KCNG3: variants seen among roughly 807,000 people sequenced by gnomAD.
The protein encoded by KCNG3 is potassium voltage-gated channel modifier subfamily G member 3.
In KCNG3, 15 loss-of-function variants were observed where a neutral mutation model predicts 29.0. The observed-to-expected ratio is 0.52, with a 90% CI of 0.35 to 0.80. The LOEUF is 0.80. Among genes scored for constraint, KCNG3 ranks in the 30% least tolerant of loss-of-function variants. The pLI is 0.01. For missense variants in KCNG3, 512 were observed against 605.7 expected, an observed-to-expected ratio of 0.85 and a Z score of 1.62; for synonymous variants, 322 against 248.9, an observed-to-expected ratio of 1.29 and a Z score of -2.76.
At chr2:42,418,919 T>C in the KCNG3 span, among the ~76,000 whole-genome samples, 4 of 152,198 alleles carry the variant, frequency 2.6e-5, no homozygotes, top group Non-Finnish European at 5.9e-5. Context: ...TAGTCTTCTG[T>C]ATCAGATTTT....
chr2:42,489,187 G>T lies in KCNG3; in HGVS notation c.665+3650C>A, dbSNP rs59445157. 3.3e-5 allele frequency among the ~76,000 whole-genome samples: 5 copies of T among 151,658 alleles called. No homozygotes were observed. The East Asian group carries it at 8.0e-4, about 24-fold the overall frequency. ...CTCCCAAAGTGCTGGGATTACAGGCGTGAGCCACCACGCCTGGCCTGTGAG... is the reference window on the plus strand; with the variant it reads ...CTCCCAAAGTGCTGGGATTACAGGCTTGAGCCACCACGCCTGGCCTGTGAG... On this transcript the variant is annotated intron_variant, in intron 1 of 1. Transcript: ENST00000306078.
chr2:42,477,303 A>G (rs1204031588), intron 1 of KCNG3, among the ~76,000 whole-genome samples: 1 of 151,286 alleles, frequency 6.6e-6, no homozygotes, highest in African/African-American at 2.4e-5. Context: ...GCAGAAAGGG[A>G]CGATACATTA....
the KCNG3 span, among the ~76,000 whole-genome samples, chr2:42,418,871 T>C: frequency 6.6e-6 from 1 of 152,218 alleles, no homozygotes; most frequent in African/African-American, 2.4e-5. Context: ...ATGAGAATCT[T>C]GCACATAATA....
At chr2:42,406,550 G>C in the KCNG3 span, among the ~76,000 whole-genome samples, 2 of 150,790 alleles carry the variant, frequency 1.3e-5, no homozygotes, top group African/African-American at 2.4e-5. Context: ...AGGCAGGCTG[G>C]GCACAGTGGC....
chr2:42,435,862 C>T, the KCNG3 span, among the ~76,000 whole-genome samples: 5 of 152,194 alleles, frequency 3.3e-5, no homozygotes, highest in Non-Finnish European at 7.3e-5. Flanking sequence ...ACATTAGCAT[C>T]TAACCTGGCA....
At chr2:42,492,181 T>C (rs4952815) in intron 1 of KCNG3, among the ~76,000 whole-genome samples, 102,776 of 152,054 alleles carry the variant, frequency 0.68, 35,188 homozygotes, top group Middle Eastern at 0.82. Flanking sequence ...CCTTCCCATA[T>C]CATAGACCCT....
chr2:42,428,423 T>C, the KCNG3 span, among the ~76,000 whole-genome samples: 51 of 132,726 alleles, frequency 3.8e-4, no homozygotes, highest in African/African-American at 1.3e-3. Context: ...ATTGTGCCAC[T>C]GCACTCCAGT....
intron 1 of KCNG3, among the ~76,000 whole-genome samples, chr2:42,480,811 T>C (rs1005454508): frequency 1.8e-4 from 26 of 145,986 alleles, no homozygotes; most frequent in Non-Finnish European, 3.4e-4. Context: ...TGAGATGGAG[T>C]CTTGCTCTGT....
At chr2:42,481,983 T>C (rs77118112) in intron 1 of KCNG3, among the ~76,000 whole-genome samples, 228 of 152,316 alleles carry the variant, frequency 1.5e-3, no homozygotes, top group African/African-American at 5.2e-3. Flanking sequence ...CCATGAAAGA[T>C]AACTTACATT....
chr2:42,398,777 C>G, the KCNG3 span, among the ~76,000 whole-genome samples: 2 of 152,256 alleles, frequency 1.3e-5, no homozygotes, highest in Admixed American at 1.3e-4. Context: ...GAGGACAGAC[C>G]TTCACAAATC....
chr2:42,456,250 A>T (rs1338476714), intron 1 of KCNG3, among the ~76,000 whole-genome samples: 1 of 152,178 alleles, frequency 6.6e-6, no homozygotes, highest in African/African-American at 2.4e-5. Flanking sequence ...GGCTAGGTGC[A>T]GTGGCTCACA....
At chr2:42,445,621 T>G (rs1672578729) in intron 1 of KCNG3, among the ~76,000 whole-genome samples, 1 of 152,234 alleles carries the variant, frequency 6.6e-6, no homozygotes, top group Non-Finnish European at 1.5e-5. Flanking sequence ...CAGCACATAT[T>G]TTTAAAAGAC....
At chr2:42,425,946 A>G in the KCNG3 span, among the ~76,000 whole-genome samples, 1 of 152,254 alleles carries the variant, frequency 6.6e-6, no homozygotes, top group Non-Finnish European at 1.5e-5. Context: ...TTGACGCAAT[A>G]GATAGTAGCA....
chr2:42,472,013 AT>A (rs1673302319), intron 1 of KCNG3, among the ~76,000 whole-genome samples: 1 of 152,210 alleles, frequency 6.6e-6, no homozygotes, highest in South Asian at 2.1e-4. Context: ...CAGGACTTCT[AT>A]TCACTACTGT....
At chr2:42,449,416 G>T (rs1182273912) in intron 1 of KCNG3, among the ~76,000 whole-genome samples, 1 of 150,422 alleles carries the variant, frequency 6.6e-6, no homozygotes, top group Non-Finnish European at 1.5e-5. Flanking sequence ...GCAAAGTTGA[G>T]TGGTCATGAC....
chr2:42,436,395 C>T, the KCNG3 span, among the ~76,000 whole-genome samples: 67 of 152,290 alleles, frequency 4.4e-4, no homozygotes, highest in African/African-American at 1.5e-3. Flanking sequence ...TATGTCTCAT[C>T]TTTTTTAAAA....
At chr2:42,480,327 C>A (rs955632253) in intron 1 of KCNG3, among the ~76,000 whole-genome samples, 3 of 152,114 alleles carry the variant, frequency 2.0e-5, no homozygotes, top group African/African-American at 7.2e-5. Context: ...GCAAACTCAG[C>A]CTTAGGGAAA....
chr2:42,465,769 C>A (rs80131717), intron 1 of KCNG3, among the ~76,000 whole-genome samples: 304 of 152,168 alleles, frequency 2.0e-3, no homozygotes, highest in African/African-American at 6.8e-3. Flanking sequence ...ACAAAGAACT[C>A]CTGAAACTCA....
chr2:42,428,566 C>G, the KCNG3 span, among the ~76,000 whole-genome samples: 6 of 151,724 alleles, frequency 4.0e-5, no homozygotes, highest in Non-Finnish European at 8.8e-5. Context: ...ATTATTTTCA[C>G]CTAATAATTT....
Sources: allele counts gnomAD v4.1 joint callset (sites outside exome capture counted in the v4.1 genomes callset), GRCh38; gene constraint gnomAD v4.1.1; transcripts MANE v1.5; gene names NCBI Gene and HGNC (gene_info 2026-07-23, HGNC 2026-07-21).